SGCG: variants seen among roughly 807,000 people sequenced by gnomAD.
SGCG encodes sarcoglycan gamma.
SGCG carries 26 observed loss-of-function variants against 29.3 expected under a neutral mutation model. The observed-to-expected ratio is 0.89, with a 90% CI of 0.65 to 1.23. The LOEUF (loss-of-function observed/expected upper bound fraction) is 1.23. Among genes scored for constraint, SGCG ranks in the 50% most tolerant of loss-of-function variants. SGCG has a pLI of 0.00. For missense variants in SGCG, 353 were observed against 356.0 expected (o/e 0.99, Z 0.07); for synonymous variants, 145 against 129.7 (o/e 1.12, Z -0.80).
At chr13:23,317,757 T>A (rs1293081045) in intron 6 of SGCG, among the ~76,000 whole-genome samples, 1 of 152,176 alleles carries the variant, frequency 6.6e-6, no homozygotes, top group Non-Finnish European at 1.5e-5. Flanking sequence ...TTATTATCTT[T>A]ATTTGAAGAT....
At chr13:23,273,329 C>T (rs191423239) in intron 4 of SGCG, among the ~76,000 whole-genome samples, 1 of 152,046 alleles carries the variant, frequency 6.6e-6, no homozygotes, top group Non-Finnish European at 1.5e-5. Context: ...GGATTACAGG[C>T]ATGTACCATC....
chr13:23,187,268 G>T (rs1877018120), intron 1 of SGCG, among the ~76,000 whole-genome samples: 1 of 152,138 alleles, frequency 6.6e-6, no homozygotes, highest in East Asian at 1.9e-4. Context: ...TGTTAACGTG[G>T]TAAAAGATCT....
At chr13:23,202,718 G>A (rs1781769932) in intron 1 of SGCG, among the ~76,000 whole-genome samples, 1 of 152,090 alleles carries the variant, frequency 6.6e-6, no homozygotes, top group Non-Finnish European at 1.5e-5. Context: ...ATTGGAAGGA[G>A]ATTTAAAGAT....
At chr13:23,198,158 T>C (rs1349435175) in intron 1 of SGCG, among the ~76,000 whole-genome samples, 1 of 146,694 alleles carries the variant, frequency 6.8e-6, no homozygotes, top group Non-Finnish European at 1.5e-5. Flanking sequence ...AAGGTCTGTT[T>C]TGTTCTTTCT....
chr13:23,292,730 A>G (rs1040644341), intron 5 of SGCG, among the ~76,000 whole-genome samples: 1 of 152,188 alleles, frequency 6.6e-6, no homozygotes, highest in Non-Finnish European at 1.5e-5. Flanking sequence ...TTGTTTTTAT[A>G]TCTTAGTTAT....
At position 23,208,922 on chromosome 13, in the gene SGCG, G is replaced by A. The variant is rs1408472987; in HGVS notation, c.195+5033G>A. 1.2e-4 allele frequency among the ~76,000 whole-genome samples: 19 copies of A among 152,058 alleles called. No individual in the cohort carries two copies. The East Asian group carries it at 3.5e-3, about 28-fold the overall frequency. ...GGGTCATATCTGTATGTTAAAATAA[G>A]ACATCTTTAATTTTTAATGATATTG... On this transcript the variant is annotated intron_variant, in intron 2 of 7. Transcript: ENST00000218867.
At chr13:23,231,106 T>C (rs1170784460) in intron 2 of SGCG, among the ~76,000 whole-genome samples, 1 of 152,240 alleles carries the variant, frequency 6.6e-6, no homozygotes, top group African/African-American at 2.4e-5. Flanking sequence ...GTGCATATGT[T>C]AAAGCAACCT....
chr13:23,286,766 T>C (rs1203413663), intron 5 of SGCG, among the ~76,000 whole-genome samples: 3 of 152,146 alleles, frequency 2.0e-5, no homozygotes, highest in Non-Finnish European at 4.4e-5. Context: ...AATATCTTAT[T>C]TGACTGTCCT....
At chr13:23,194,191 G>C in intron 1 of SGCG, among the ~76,000 whole-genome samples, 1 of 152,268 alleles carries the variant, frequency 6.6e-6, no homozygotes, top group East Asian at 1.9e-4. Flanking sequence ...AGATTTGCCT[G>C]TTCTTTAGAA....
chr13:23,248,066 G>C (rs1194417081), intron 3 of SGCG, among the ~76,000 whole-genome samples: 2 of 151,250 alleles, frequency 1.3e-5, no homozygotes, highest in East Asian at 3.9e-4. Context: ...CTTGAGCCCA[G>C]GAGTTTGAGA....
intron 1 of SGCG, among the ~76,000 whole-genome samples, chr13:23,189,040 T>G (rs1039302689): frequency 6.6e-6 from 1 of 152,238 alleles, no homozygotes; most frequent in African/African-American, 2.4e-5. Flanking sequence ...GAGGCACTAA[T>G]CTCTGCCATT....
At chr13:23,197,125 C>T (rs1877546288) in intron 1 of SGCG, among the ~76,000 whole-genome samples, 1 of 151,968 alleles carries the variant, frequency 6.6e-6, no homozygotes, top group Non-Finnish European at 1.5e-5. Flanking sequence ...CTGTCACTAG[C>T]TCATTTTTTT....
chr13:23,175,077 A>G, the SGCG span, among the ~76,000 whole-genome samples: 1 of 152,220 alleles, frequency 6.6e-6, no homozygotes, highest in Non-Finnish European at 1.5e-5. Flanking sequence ...GTAGACTGTG[A>G]AATTGCCAAG....
intron 2 of SGCG, among the ~76,000 whole-genome samples, chr13:23,224,665 T>TACACACAC (rs60671278): frequency 2.8e-5 from 4 of 142,102 alleles, no homozygotes; most frequent in East Asian, 2.5e-4. Context: ...AGGGCACACA[T>TACACACAC]ACACACACAC....
intron 5 of SGCG, among the ~76,000 whole-genome samples, chr13:23,282,535 A>C (rs1480930486): frequency 6.6e-6 from 1 of 152,140 alleles, no homozygotes; most frequent in African/African-American, 2.4e-5. Flanking sequence ...CTATGTGTCC[A>C]CATGTTCTCA....
the SGCG span, among the ~76,000 whole-genome samples, chr13:23,164,322 G>C: frequency 6.6e-6 from 1 of 152,164 alleles, no homozygotes; most frequent in Admixed American, 6.5e-5. Flanking sequence ...GCTCTGAAAA[G>C]AAAGATGCTC....
chr13:23,311,577 G>T (rs907752141), intron 6 of SGCG, among the ~76,000 whole-genome samples: 1 of 152,174 alleles, frequency 6.6e-6, no homozygotes, highest in Non-Finnish European at 1.5e-5. Flanking sequence ...CAACTGGCTT[G>T]GTGCTCGGCA....
upstream of SGCG, chr13:23,180,962 C>T (rs1316021549): frequency 6.6e-6 from 1 of 152,214 alleles, no homozygotes; most frequent in East Asian, 1.9e-4. Flanking sequence ...GTTGCTGAAG[C>T]TTCATCCTTT....
In SGCG at chr13:23,324,370, T is replaced by G. The variant is rs1800353; in HGVS notation, c.705T>G (p.Leu235=). The G allele has an allele frequency of 6.2e-7, 1 of 1,613,898 alleles. No individual in the cohort carries two copies. Among genetic ancestry groups the G allele is most frequent in the Non-Finnish European group, 8.5e-7 (1 of 1,179,930 alleles). The change falls in exon 8 of 8, where the codon CTT becomes CTG. Residue 235 remains leucine, a splice_region_variant and synonymous_variant. Coordinates refer to ENST00000218867, the MANE Select transcript of SGCG (RefSeq NM_000231.3). The part of the protein sequence containing the change: ...DILFHSSDGM[L]VLDAETVCLP... ...GTCTCTCATCTTCTCCCAACCAGCT[T>G]GTGCTTGATGCTGAAACTGTGTGCT...
Sources: gnomAD v4.1 joint callset for allele counts (sites outside exome capture counted in the v4.1 genomes callset) on GRCh38, gnomAD v4.1.1 for gene constraint, MANE v1.5 for transcripts, NCBI Gene and HGNC (gene_info 2026-07-23, HGNC 2026-07-21) for gene names.